The following CFAP47 variants were observed in gnomAD, a reference collection of about 807,000 sequenced individuals.
CFAP47 encodes the protein cilia and flagella associated protein 47, also known as cilia- and flagella-associated protein 47.
In CFAP47, 29 loss-of-function variants were observed where a neutral mutation model predicts 148.1. The ratio of observed to expected loss-of-function variants is 0.20; its 90% CI spans 0.15 to 0.27. The LOEUF (loss-of-function observed/expected upper bound fraction) is 0.27. CFAP47 is among the 10% of genes least tolerant of loss of function. CFAP47 has a pLI of 1.00. For missense variants in CFAP47, 1,872 were observed against 1,697.5 expected (o/e 1.10, Z -1.81); for synonymous variants, 664 against 577.3 (o/e 1.15, Z -2.15).
At chrX:35,936,706 T>C (rs1279629017) in intron 2 of CFAP47, among the ~76,000 whole-genome samples, 3 of 111,321 alleles carry the variant, frequency 2.7e-5, no homozygotes, top group Non-Finnish European at 5.6e-5. Context: ...CTATTTTGTA[T>C]GCTGTGGTTG....
At chrX:36,192,239 A>G (rs938610821) in intron 42 of CFAP47, among the ~76,000 whole-genome samples, 4 of 111,521 alleles carry the variant, frequency 3.6e-5, no homozygotes, top group Non-Finnish European at 5.6e-5. Flanking sequence ...GGAGAAACCT[A>G]TGAAAGCCCT....
At chrX:36,144,363 G>T (rs10522034) in intron 35 of CFAP47, among the ~76,000 whole-genome samples, 2,369 of 112,071 alleles carry the variant, frequency 0.021, 72 homozygotes, top group African/African-American at 0.074. Context: ...ATTCAGAGCG[G>T]TATTATTGCT....
At position 36,306,836 on chromosome X, in the gene CFAP47, G is replaced by T. The variant is rs1462951840; in HGVS notation, c.8147G>T (p.Arg2716Ile). The change falls in exon 55 of 64, where the codon AGA (arginine) becomes ATA (isoleucine). Residue 2716 changes from arginine (R) to isoleucine (I), a missense_variant. Transcript: ENST00000378653. ...CTCTTTTATCCTTCTGCACTTGGAA[G>T]AGCTGATCATCAAGCTTGCATCAAC... is the stretch of plus-strand genomic sequence containing the variant. ...PVLFYPSALG[R>I]ADHQACINFY... The T allele has an allele frequency of 3.5e-6, 4 of 1,156,875 alleles. No individual in the cohort carries two copies. The East Asian group carries it at 9.8e-5, about 28-fold the overall frequency.
chrX:36,348,331 TGACAG>T, intron 58 of CFAP47, 43 bp downstream of exon 58: 1 of 706,860 alleles, frequency 1.4e-6, no homozygotes, highest in Non-Finnish European at 1.9e-6. Context: ...AATTTTATTT[TGACAG>T]CCACTGACAT....
intron 37 of CFAP47, among the ~76,000 whole-genome samples, chrX:36,150,242 A>G (rs1939292061): frequency 9.0e-6 from 1 of 111,327 alleles, no homozygotes; most frequent in Non-Finnish European, 1.9e-5. Flanking sequence ...TATAATTGAA[A>G]CCTCCAGAGA....
chrX:36,172,547 T>C (rs1438667013), intron 39 of CFAP47, among the ~76,000 whole-genome samples: 1 of 110,575 alleles, frequency 9.0e-6, no homozygotes, highest in Non-Finnish European at 1.9e-5. Context: ...TCTGCATCTA[T>C]TGAGATAATC....
At chrX:36,023,665 A>G (rs1215895025) in intron 22 of CFAP47, among the ~76,000 whole-genome samples, 1 of 112,131 alleles carries the variant, frequency 8.9e-6, no homozygotes, top group Non-Finnish European at 1.9e-5. Flanking sequence ...TAGCACACAG[A>G]CCACAAGATG....
At chrX:36,346,231 T>G (rs782331021) in intron 57 of CFAP47, among the ~76,000 whole-genome samples, 20 of 110,896 alleles carry the variant, frequency 1.8e-4, no homozygotes, top group East Asian at 1.1e-3. Context: ...GTGTGTGTTT[T>G]TTTTTAAATA....
intron 49 of CFAP47, among the ~76,000 whole-genome samples, chrX:36,253,323 G>A (rs60011835): frequency 0.044 from 4,853 of 111,215 alleles, 303 homozygotes; most frequent in African/African-American, 0.15. Context: ...AGTTAAATTA[G>A]TTGTCCCATT....
At chrX:36,302,778 A>G (rs1359202874) in intron 53 of CFAP47, among the ~76,000 whole-genome samples, 1 of 111,993 alleles carries the variant, frequency 8.9e-6, no homozygotes, top group African/African-American at 3.2e-5. Flanking sequence ...AATGTTCTCA[A>G]TGAAAACTTC....
At chrX:36,341,350 C>G (rs1398822620) in intron 57 of CFAP47, among the ~76,000 whole-genome samples, 1 of 111,321 alleles carries the variant, frequency 9.0e-6, no homozygotes, top group Non-Finnish European at 1.9e-5. Flanking sequence ...TAGAATATTT[C>G]TTAGTGTCTC....
rs748865240 is a variant in CFAP47, at chrX:36,135,295, C to G, written c.5321-2663C>G. 8.1e-5 allele frequency among the ~76,000 whole-genome samples: 9 copies of G among 111,194 alleles called. No individual in the cohort carries two copies. The East Asian group carries it at 2.6e-3, about 32-fold the overall frequency. On this transcript the variant is annotated intron_variant, in intron 33 of 63. Transcript: ENST00000378653. Reference sequence around the variant, plus strand: ...CCCCCCAAAACCTATGGAAATAAAACTTTTTTAAAAAAAGAATTGCTGATC... The same window carrying G: ...CCCCCCAAAACCTATGGAAATAAAAGTTTTTTAAAAAAAGAATTGCTGATC...
intron 4 of CFAP47, among the ~76,000 whole-genome samples, chrX:35,950,337 A>G (rs1196890450): frequency 9.0e-6 from 1 of 111,698 alleles, no homozygotes; most frequent in East Asian, 2.8e-4. Flanking sequence ...TAATGGGGAA[A>G]TGTTTATTTC....
intron 51 of CFAP47, among the ~76,000 whole-genome samples, chrX:36,288,127 A>G (rs1941153062): frequency 8.9e-6 from 1 of 112,028 alleles, no homozygotes; most frequent in Non-Finnish European, 1.9e-5. Context: ...TTTTCTACAG[A>G]TGAATGATTG....
chrX:36,085,413 G>T lies in CFAP47; in HGVS notation c.4791G>T (p.Val1597=), dbSNP rs201826063. 8.3e-7 allele frequency: 1 copy of T among 1,199,598 alleles called. No individual in the cohort carries two copies. Among genetic ancestry groups the T allele is most frequent in the African/African-American group, 1.8e-5 (1 of 56,489 alleles). Residue 1597 remains valine, a synonymous_variant, in exon 30 of 64, where the codon GTG becomes GTT. Coordinates refer to ENST00000378653, the MANE Select transcript of CFAP47 (RefSeq NM_001304548.2). ...FSKYNKTIYD[V]LLHLSGKMPP... The stretch of plus-strand genomic sequence containing the variant: ...AATATAATAAGACCATTTATGATGT[G>T]CTGCTCCATTTGAGTGGAAAAATGC...
At chrX:36,026,768 A>G (rs1937221599) in intron 22 of CFAP47, among the ~76,000 whole-genome samples, 1 of 109,338 alleles carries the variant, frequency 9.1e-6, no homozygotes. Context: ...TTAACAAAAA[A>G]CTCTGATCAA....
Position 36,366,999 on chromosome X carries a change from A to G in CFAP47, c.9057A>G (p.Thr3019=). 1.7e-6 allele frequency: 2 copies of G among 1,156,066 alleles called. No individual in the cohort carries two copies. The highest frequency in any genetic ancestry group is 2.3e-6 in the Non-Finnish European group (2 of 865,582). ...TAACACTGAAAATAGAGTGCGTAAC[A>G]GAAGGGATCTGGAAGTTTCCCATAA... The part of the protein sequence containing the change: ...SHITLKIECV[T]EGIWKFPIML... Residue 3019 remains threonine, a synonymous_variant, in exon 62 of 64, where the codon ACA becomes ACG. Coordinates refer to ENST00000378653, the MANE Select transcript of CFAP47 (RefSeq NM_001304548.2).
At chrX:36,104,069 C>T (rs1277149384) in intron 32 of CFAP47, among the ~76,000 whole-genome samples, 7 of 111,713 alleles carry the variant, frequency 6.3e-5, no homozygotes, top group Non-Finnish European at 7.5e-5. Flanking sequence ...TAAAACAGAC[C>T]TCTTAAATAA....
chrX:36,142,604 CTT>C (rs1248906711), intron 35 of CFAP47, among the ~76,000 whole-genome samples: 1 of 111,461 alleles, frequency 9.0e-6, no homozygotes, highest in African/African-American at 3.3e-5. Flanking sequence ...CTTTAGGTCA[CTT>C]TTGTTTAAAT....
Sources: gnomAD v4.1 joint callset for allele counts (sites outside exome capture counted in the v4.1 genomes callset) on GRCh38, gnomAD v4.1.1 for gene constraint, MANE v1.5 for transcripts, NCBI Gene and HGNC (gene_info 2026-07-23, HGNC 2026-07-21) for gene names.